Variants in MPP7 observed in about 807,000 individuals in gnomAD.
MPP7 encodes the protein MAGUK p55 scaffold protein 7.
Under a neutral mutation model 76.5 loss-of-function variants are expected in MPP7, and 60 were observed. The observed-to-expected ratio is 0.78, with a 90% confidence interval of 0.64 to 0.97. The LOEUF is 0.97. Ranked by LOEUF, MPP7 falls within the 50% of genes least tolerant of loss-of-function variation. The probability of loss-of-function intolerance (pLI) is 0.00; values close to 1 mark genes in which losing one functional copy is unlikely to be tolerated. For synonymous variants in MPP7, 237 were observed against 244.5 expected (o/e 0.97, Z 0.29); for missense variants, 641 against 694.0 (o/e 0.92, Z 0.86).
At chr10:28,312,363 C>T (rs1417071672) in intron 2 of MPP7, among the ~76,000 whole-genome samples, 1 of 152,102 alleles carries the variant, frequency 6.6e-6, no homozygotes, top group Non-Finnish European at 1.5e-5. Context: ...CTGATTCGTG[C>T]ATTTTACAAT....
At chr10:28,168,481 A>G (rs1836564290) in intron 3 of MPP7, among the ~76,000 whole-genome samples, 1 of 151,934 alleles carries the variant, frequency 6.6e-6, no homozygotes, top group African/African-American at 2.4e-5. Context: ...TTTCACACCA[A>G]TTTTTATGGT....
At chr10:28,157,235 A>G (rs1836095836) in intron 3 of MPP7, among the ~76,000 whole-genome samples, 1 of 152,108 alleles carries the variant, frequency 6.6e-6, no homozygotes, top group Admixed American at 6.5e-5. Flanking sequence ...GAAAAGGAAA[A>G]GGAAAAGAAA....
At chr10:28,096,851 A>G (rs528097680) in intron 11 of MPP7, among the ~76,000 whole-genome samples, 11 of 152,294 alleles carry the variant, frequency 7.2e-5, no homozygotes, top group African/African-American at 2.4e-4. Flanking sequence ...ATAACTAACC[A>G]ATGGTCTCAG....
At chr10:28,112,173 T>C (rs539287002) in intron 11 of MPP7, among the ~76,000 whole-genome samples, 14 of 152,164 alleles carry the variant, frequency 9.2e-5, no homozygotes, top group Non-Finnish European at 1.6e-4. Context: ...CATGCGCATC[T>C]AAAGCAAACG....
At chr10:28,268,535 C>T (rs1286403064) in intron 1 of MPP7, among the ~76,000 whole-genome samples, 4 of 152,080 alleles carry the variant, frequency 2.6e-5, no homozygotes, top group Non-Finnish European at 5.9e-5. Flanking sequence ...AGTTCGAGAC[C>T]AGCCTGGTCA....
At chr10:28,277,408 A>T (rs1020357051) in intron 1 of MPP7, among the ~76,000 whole-genome samples, 1 of 151,924 alleles carries the variant, frequency 6.6e-6, no homozygotes, top group Non-Finnish European at 1.5e-5. Context: ...TTAAAAAATT[A>T]AAATCACAAA....
chr10:28,123,884 T>A, intron 8 of MPP7, 147 bp downstream of exon 8: 1 of 609,222 alleles, frequency 1.6e-6, no homozygotes, highest in Admixed American at 2.9e-5. Context: ...TAGATTAAGA[T>A]ATTTTCCAAG....
chr10:28,149,856 A>C (rs1235943241), intron 4 of MPP7, 126 bp downstream of exon 4: 3 of 560,492 alleles, frequency 5.4e-6, no homozygotes, highest in Non-Finnish European at 9.1e-6. Flanking sequence ...GGACTTTTGG[A>C]AACATTTGTA....
At chr10:28,217,413 G>A (rs1322855882) in intron 2 of MPP7, among the ~76,000 whole-genome samples, 1 of 151,632 alleles carries the variant, frequency 6.6e-6, no homozygotes, top group East Asian at 1.9e-4. Context: ...TGTAATCCCA[G>A]CTACTCAGGA....
chr10:28,174,460 G>A (rs961207240), intron 3 of MPP7, among the ~76,000 whole-genome samples: 4 of 152,112 alleles, frequency 2.6e-5, no homozygotes, highest in South Asian at 4.1e-4. Flanking sequence ...CATAGGACAC[G>A]CATATGCCAG....
Position 28,174,371 on chromosome 10 carries a change from T to A in MPP7, c.157-24312A>T, listed in dbSNP as rs549579973. Among the ~76,000 whole-genome samples the A allele has an allele frequency of 2.0e-5, 3 of 152,310 alleles. No individual in the cohort carries two copies. In the South Asian group the frequency reaches 6.2e-4, roughly 32 times the overall value. ...GTGCCATTCTCTAGAGAGTGAGTTC[T>A]CACTCTTAGCTCCCATGAAAGCTGG... On this transcript the variant is annotated intron_variant, in intron 3 of 16. Transcript: ENST00000683449.
chr10:28,324,055 A>G (rs1459047452), intron 2 of MPP7, among the ~76,000 whole-genome samples: 1 of 152,174 alleles, frequency 6.6e-6, no homozygotes, highest in African/African-American at 2.4e-5. Flanking sequence ...TGAGATAATA[A>G]CAATAGCTGT....
intron 11 of MPP7, chr10:28,118,946 C>G (rs1834742106): frequency 1.0e-6 from 1 of 985,160 alleles, no homozygotes; most frequent in African/African-American, 1.7e-5. Context: ...TGGTTTTTTC[C>G]TCTTAAAATA....
chr10:28,213,809 A>AAGAGAG (rs1211589640), intron 2 of MPP7, among the ~76,000 whole-genome samples: 2 of 136,530 alleles, frequency 1.5e-5, no homozygotes, highest in Middle Eastern at 3.8e-3. Flanking sequence ...AAAAAAAAAA[A>AAGAGAG]AGAGAGAGAG....
chr10:28,324,706 T>C (rs1261706260), intron 2 of MPP7, among the ~76,000 whole-genome samples: 1 of 152,236 alleles, frequency 6.6e-6, no homozygotes, highest in Non-Finnish European at 1.5e-5. Context: ...AACAATGCCA[T>C]GACTTTGAAA....
chr10:28,268,516 G>C (rs1840217689), intron 1 of MPP7, among the ~76,000 whole-genome samples: 1 of 152,148 alleles, frequency 6.6e-6, no homozygotes, highest in South Asian at 2.1e-4. Flanking sequence ...CGGATGACTT[G>C]AGGTAAGGAG....
At chr10:28,302,537 T>C (rs1275199975) in intron 1 of MPP7, among the ~76,000 whole-genome samples, 3 of 152,168 alleles carry the variant, frequency 2.0e-5, no homozygotes, top group Non-Finnish European at 2.9e-5. Flanking sequence ...CCGCAGTTTT[T>C]CCTCCACCTG....
chr10:28,298,169 T>C lies in MPP7; in HGVS notation c.-132+4692A>G, dbSNP rs75138543. Among the ~76,000 whole-genome samples, 626 of 152,356 alleles carry C rather than the reference T, an allele frequency of 4.1e-3. 4 individuals carry two copies. Among genetic ancestry groups the C allele is most frequent in the African/African-American group, 0.014 (588 of 41,574 alleles). On this transcript the variant is annotated intron_variant, in intron 1 of 16. Transcript: ENST00000683449. ...AATGGTGACATTTTGACCTCCTCCTTTGAATCACAAATGCCCTTAATGGCA... is the reference window on the plus strand; with the variant it reads ...AATGGTGACATTTTGACCTCCTCCTCTGAATCACAAATGCCCTTAATGGCA...
At chr10:28,300,744 G>C (rs1841134644) in intron 1 of MPP7, among the ~76,000 whole-genome samples, 1 of 151,906 alleles carries the variant, frequency 6.6e-6, no homozygotes, top group South Asian at 2.1e-4. Context: ...TTGAGGTCAG[G>C]AGTTCGAGAC....
Sources: gnomAD v4.1 joint callset for allele counts (sites outside exome capture counted in the v4.1 genomes callset) on GRCh38, gnomAD v4.1.1 for gene constraint, MANE v1.5 for transcripts, NCBI Gene and HGNC (gene_info 2026-07-23, HGNC 2026-07-21) for gene names.